Variants in PPP2R3C observed in about 807,000 individuals in gnomAD.
The protein encoded by PPP2R3C is serine/threonine-protein phosphatase 2A regulatory subunit B'' subunit gamma.
A neutral mutation model predicts 63.7 loss-of-function variants in PPP2R3C; 47 were observed. That is an observed-to-expected ratio of 0.74 (90% CI 0.58 to 0.94). The LOEUF (loss-of-function observed/expected upper bound fraction) is 0.94. PPP2R3C is among the 40% of genes least tolerant of loss of function. The probability of loss-of-function intolerance (pLI) is 0.00; values close to 1 mark genes in which losing one functional copy is unlikely to be tolerated. For synonymous variants in PPP2R3C, 180 were observed against 177.4 expected (o/e 1.01, Z -0.12); for missense variants, 421 against 518.4 (o/e 0.81, Z 1.82).
intron 10 of PPP2R3C, among the ~76,000 whole-genome samples, chr14:35,094,299 T>G (rs1301624166): frequency 6.6e-6 from 1 of 152,022 alleles, no homozygotes; most frequent in Non-Finnish European, 1.5e-5. Context: ...GCCTCCCGAG[T>G]AGCTATACTA....
intron 9 of PPP2R3C, 140 bp from the exon 10 acceptor site, chr14:35,095,324 T>TA (rs2045957159): frequency 1.3e-6 from 1 of 797,192 alleles, no homozygotes; most frequent in Non-Finnish European, 1.9e-6. Context: ...GGCCTATGTG[T>TA]AATACTATCA....
chr14:35,114,935 A>G lies in PPP2R3C; in HGVS notation c.186+1675T>C, dbSNP rs12891382. Among the ~76,000 whole-genome samples the G allele has an allele frequency of 9.9e-5, 15 of 152,010 alleles. 1 individual carries two copies. Among genetic ancestry groups the G allele is most frequent in the Admixed American group, 9.8e-4 (15 of 15,260 alleles). On this transcript the variant is annotated intron_variant, in intron 2 of 12. Coordinates refer to ENST00000261475, the MANE Select transcript of PPP2R3C (RefSeq NM_017917.4). ...CTTGAACCTGGGAGGCAGAGGTCGCAGTGAGCTGAGATCGTGCCATTGCAC... is the reference window on the plus strand; with the variant it reads ...CTTGAACCTGGGAGGCAGAGGTCGCGGTGAGCTGAGATCGTGCCATTGCAC...
chr14:35,112,382 C>A (rs1223112235), intron 2 of PPP2R3C, among the ~76,000 whole-genome samples: 2 of 152,208 alleles, frequency 1.3e-5, no homozygotes, highest in Non-Finnish European at 2.9e-5. Context: ...GGATTACAGG[C>A]ATGAGCCACC....
chr14:35,113,266 A>G (rs1359488317), intron 2 of PPP2R3C: 2 of 152,530 alleles, frequency 1.3e-5, no homozygotes, highest in Non-Finnish European at 2.9e-5. Context: ...GTGACTCAAG[A>G]TAATAGGTGT....
chr14:35,117,216 C>G, intron 1 of PPP2R3C: 1 of 454,530 alleles, frequency 2.2e-6, no homozygotes, highest in Non-Finnish European at 4.4e-6. Flanking sequence ...CATCCTCTGT[C>G]TGAAGCTCAA....
chr14:35,087,787 C>T, intron 12 of PPP2R3C, 164 bp downstream of exon 12: 1 of 610,064 alleles, frequency 1.6e-6, no homozygotes. Context: ...ATAAATAGTC[C>T]AAATGTGGTC....
At chr14:35,088,896 GT>G (rs1566682921) in intron 11 of PPP2R3C, among the ~76,000 whole-genome samples, 1 of 152,050 alleles carries the variant, frequency 6.6e-6, no homozygotes, top group Non-Finnish European at 1.5e-5. Context: ...TTTTAAAGTA[GT>G]TTTAAAACAA....
intron 2 of PPP2R3C, chr14:35,112,943 T>C (rs1340904084): frequency 6.6e-6 from 1 of 152,248 alleles, no homozygotes; most frequent in Non-Finnish European, 1.5e-5. Flanking sequence ...CTTCAAATTG[T>C]CCCACCTTTC....
chr14:35,105,657 A>C (rs901420500), intron 6 of PPP2R3C, among the ~76,000 whole-genome samples: 5 of 151,966 alleles, frequency 3.3e-5, no homozygotes, highest in African/African-American at 1.2e-4. Flanking sequence ...TATGGAATCA[A>C]CACCACCGAG....
rs772925096 is a variant in PPP2R3C at position 35,091,159 on chromosome 14, CCTTT to C, written c.1020_1023del (p.Lys341AsnfsTer20). 6.2e-6 allele frequency: 10 copies of C among 1,610,052 alleles called. No individual in the cohort carries two copies. The highest frequency in any genetic ancestry group is 1.3e-5 in the African/African-American group (1 of 74,926). ...AAAATATATTGTAGAGCTGCAGGTT[CCTTT>C]CTGTTTTCTAATGCAAGGACAAAGT... is the stretch of plus-strand genomic sequence containing the variant. On this transcript the variant is annotated frameshift_variant, in exon 11 of 13. Coordinates refer to ENST00000261475, the MANE Select transcript of PPP2R3C (RefSeq NM_017917.4). LOFTEE classifies it high-confidence loss of function.
chr14:35,117,757 C>T (rs908232134), intron 1 of PPP2R3C, among the ~76,000 whole-genome samples: 6 of 151,638 alleles, frequency 4.0e-5, no homozygotes, highest in South Asian at 2.1e-4. Context: ...CGCAATGGTA[C>T]GATCTCGGGT....
chr14:35,098,163 T>C (rs997057276), intron 7 of PPP2R3C, among the ~76,000 whole-genome samples: 3 of 151,498 alleles, frequency 2.0e-5, no homozygotes, highest in Non-Finnish European at 2.9e-5. Context: ...TATGCTGTGA[T>C]TGGATTCATA....
intron 5 of PPP2R3C, 128 bp downstream of exon 5, chr14:35,108,011 C>A: frequency 7.5e-7 from 1 of 1,339,250 alleles, no homozygotes; most frequent in South Asian, 1.7e-5. Context: ...ACATCTTGGT[C>A]AAAAGATAAG....
Position 35,088,085 on chromosome 14 carries a change from T to G in PPP2R3C, c.1114-75A>C, listed in dbSNP as rs1368798097. The G allele has an allele frequency of 3.0e-6, 3 of 1,014,726 alleles. No homozygotes were observed. The East Asian group carries it at 7.6e-5, about 26-fold the overall frequency. 62.9% of individuals were successfully genotyped at this position (1,014,726 alleles called of 1,614,324 possible). A position where few individuals can be genotyped will look rare whatever the true frequency, so the allele number is the denominator to read the frequency against. ...TCCCTCTTTTGCCCTACAACCCCTT[T>G]CTACTTATACTTCCTTTCCTATCAG... On this transcript the variant is annotated intron_variant, in intron 11 of 12. Coordinates refer to ENST00000261475, the MANE Select transcript of PPP2R3C (RefSeq NM_017917.4).
rs45471891 is a variant in PPP2R3C at position 35,107,966 on chromosome 14, T to G, written c.502+173A>C. ...TAAGACACATGAGGGTTTAAAAAAT[T>G]TTTGTTTTTTTATGCTAACCCAAGT... On this transcript the variant is annotated intron_variant, in intron 5 of 12. Transcript: ENST00000261475. 4,589 of 834,020 alleles carry G rather than the reference T, an allele frequency of 5.5e-3. 20 individuals carry two copies. The highest frequency in any genetic ancestry group is 7.3e-3 in the Non-Finnish European group (4,293 of 590,968). The allele number at this position is 834,020 out of a possible 1,614,324, so 51.7% of individuals were successfully genotyped here.
At chr14:35,110,699 CAT>C in intron 2 of PPP2R3C, 70 bp from the exon 3 acceptor site, 1 of 971,066 alleles carries the variant, frequency 1.0e-6, no homozygotes. Flanking sequence ...TATGTGGCCT[CAT>C]AAAATAACTG....
At chr14:35,110,414 A>T (rs1373326683) in intron 3 of PPP2R3C, 111 bp downstream of exon 3, 4 of 672,332 alleles carry the variant, frequency 5.9e-6, no homozygotes, top group Non-Finnish European at 1.0e-5. Flanking sequence ...GAGCCTATGT[A>T]GTACCACTCT....
intron 1 of PPP2R3C, among the ~76,000 whole-genome samples, chr14:35,118,717 G>A (rs1254723573): frequency 1.4e-5 from 2 of 147,076 alleles, no homozygotes; most frequent in African/African-American, 2.5e-5. Flanking sequence ...GCAGTGGCGC[G>A]ATCTTGGCTC....
rs543217910 is a variant in PPP2R3C, at chr14:35,116,501, C to T, written c.186+109G>A. On this transcript the variant is annotated intron_variant, in intron 2 of 12. Transcript: ENST00000261475. The stretch of plus-strand genomic sequence containing the variant: ...AATTCCTGGACTCAAGTGATCCTCC[C>T]GCCTCAGCCTCCCAAAGTGTTGGGA... 17 of 803,242 alleles carry T rather than the reference C, an allele frequency of 2.1e-5. 1 individual carries two copies. The highest frequency in any genetic ancestry group is 7.9e-5 in the South Asian group (3 of 38,108). 49.8% of individuals were successfully genotyped at this position (803,242 alleles called of 1,614,324 possible).
Sources: allele counts gnomAD v4.1 joint callset (sites outside exome capture counted in the v4.1 genomes callset), GRCh38; gene constraint gnomAD v4.1.1; transcripts MANE v1.5; gene names NCBI Gene and HGNC (gene_info 2026-07-23, HGNC 2026-07-21).